Variants in GTF2F2 observed in about 807,000 individuals in gnomAD.
GTF2F2 encodes general transcription factor IIF subunit 2.
In GTF2F2, 23 loss-of-function variants were observed where a neutral mutation model predicts 42.2. That is an observed-to-expected ratio of 0.55 (90% CI 0.39 to 0.77). The LOEUF (loss-of-function observed/expected upper bound fraction) is 0.77. Ranked by LOEUF, GTF2F2 falls within the 30% of genes least tolerant of loss-of-function variation. The probability of loss-of-function intolerance (pLI) is 0.00; values close to 1 mark genes in which losing one functional copy is unlikely to be tolerated. For missense variants in GTF2F2, 261 were observed against 287.2 expected, an observed-to-expected ratio of 0.91 and a Z score of 0.66; for synonymous variants, 105 against 100.8, an observed-to-expected ratio of 1.04 and a Z score of -0.25.
intron 6 of GTF2F2, among the ~76,000 whole-genome samples, chr13:45,263,183 G>A (rs937494071): frequency 6.6e-5 from 10 of 151,884 alleles, no homozygotes; most frequent in African/African-American, 2.4e-4. Flanking sequence ...GAATGTTTCT[G>A]TTTTGTTCTT....
chr13:45,233,484 T>C (rs1874792460), intron 5 of GTF2F2, among the ~76,000 whole-genome samples: 1 of 152,230 alleles, frequency 6.6e-6, no homozygotes, highest in South Asian at 2.1e-4. Context: ...AAACCAAGGC[T>C]GTAGGTTCGG....
intron 4 of GTF2F2, among the ~76,000 whole-genome samples, chr13:45,178,240 A>T (rs867055221): frequency 2.0e-5 from 3 of 151,620 alleles, no homozygotes; most frequent in Non-Finnish European, 2.9e-5. Context: ...TGCTTGTGCT[A>T]CACTCTGGAA....
chr13:45,222,181 T>A (rs945278043), intron 5 of GTF2F2, among the ~76,000 whole-genome samples: 1 of 152,206 alleles, frequency 6.6e-6, no homozygotes, highest in Non-Finnish European at 1.5e-5. Flanking sequence ...CCTAGCATAG[T>A]GTCTCATACA....
intron 7 of GTF2F2, among the ~76,000 whole-genome samples, chr13:45,274,933 A>G (rs1184539730): frequency 6.6e-6 from 1 of 151,900 alleles, no homozygotes; most frequent in Non-Finnish European, 1.5e-5. Context: ...AGTGTAGTTC[A>G]GTGGACTTTA....
intron 2 of GTF2F2, among the ~76,000 whole-genome samples, chr13:45,144,457 C>CTTTTTTT: frequency 1.4e-5 from 1 of 74,038 alleles, no homozygotes; most frequent in Non-Finnish European, 2.5e-5. Context: ...TTTTTTTGGT[C>CTTTTTTT]TTTTTTTTTT....
At chr13:45,123,514 A>G (rs941303215) in intron 1 of GTF2F2, 1 of 152,178 alleles carries the variant, frequency 6.6e-6, no homozygotes, top group Non-Finnish European at 1.5e-5. Flanking sequence ...TTGTAGTCCC[A>G]GCTACTTGAG....
chr13:45,187,977 C>T (rs1020808231), intron 4 of GTF2F2, among the ~76,000 whole-genome samples: 1 of 152,172 alleles, frequency 6.6e-6, no homozygotes, highest in African/African-American at 2.4e-5. Flanking sequence ...AGCACAATCT[C>T]AGCTTGCTAT....
chr13:45,202,690 C>G (rs916279907), intron 4 of GTF2F2, among the ~76,000 whole-genome samples: 4 of 152,266 alleles, frequency 2.6e-5, no homozygotes, highest in African/African-American at 9.6e-5. Flanking sequence ...CGGTGGCTCA[C>G]GCCTGTAATC....
chr13:45,132,656 A>G (rs1055710926), intron 1 of GTF2F2, among the ~76,000 whole-genome samples: 2 of 152,170 alleles, frequency 1.3e-5, no homozygotes, highest in African/African-American at 4.8e-5. Context: ...CAGGGAAAGA[A>G]ATTCAGTGCA....
At chr13:45,169,163 A>G (rs1293073061) in intron 4 of GTF2F2, among the ~76,000 whole-genome samples, 3 of 151,818 alleles carry the variant, frequency 2.0e-5, no homozygotes, top group Admixed American at 1.3e-4. Context: ...CCCTGCTCCA[A>G]ATTCATAGGT....
chr13:45,170,525 A>G (rs1871541918), intron 4 of GTF2F2, among the ~76,000 whole-genome samples: 1 of 152,212 alleles, frequency 6.6e-6, no homozygotes, highest in Non-Finnish European at 1.5e-5. Context: ...CAGTCTTGAA[A>G]TCATCTCCAA....
chr13:45,213,401 A>C (rs12866254), intron 5 of GTF2F2, among the ~76,000 whole-genome samples: 2 of 151,870 alleles, frequency 1.3e-5, no homozygotes, highest in Non-Finnish European at 2.9e-5. Flanking sequence ...TTTCTTATCT[A>C]CCTCCTACGG....
intron 5 of GTF2F2, among the ~76,000 whole-genome samples, chr13:45,242,903 T>C (rs1482076845): frequency 6.6e-6 from 1 of 152,232 alleles, no homozygotes; most frequent in Non-Finnish European, 1.5e-5. Flanking sequence ...ATTGAGAGTT[T>C]GGCATTTTTT....
chr13:45,170,317 T>C (rs1871530196), intron 4 of GTF2F2, among the ~76,000 whole-genome samples: 1 of 152,252 alleles, frequency 6.6e-6, no homozygotes, highest in Admixed American at 6.5e-5. Context: ...CAGCTGAGAC[T>C]GGTTATCTTT....
At chr13:45,259,331 CAGG>C (rs1179066558) in intron 6 of GTF2F2, among the ~76,000 whole-genome samples, 1 of 152,070 alleles carries the variant, frequency 6.6e-6, no homozygotes, top group Non-Finnish European at 1.5e-5. Context: ...GAGGCTGAGG[CAGG>C]AGAATTGCTT....
intron 5 of GTF2F2, among the ~76,000 whole-genome samples, chr13:45,230,220 T>TA (rs554982229): frequency 0.014 from 1,987 of 140,298 alleles, 42 homozygotes; most frequent in African/African-American, 0.044. Flanking sequence ...CATCTCAAAA[T>TA]AAAAAAAAAA....
intron 5 of GTF2F2, among the ~76,000 whole-genome samples, chr13:45,231,582 C>T (rs1033731603): frequency 6.6e-6 from 1 of 152,112 alleles, no homozygotes; most frequent in African/African-American, 2.4e-5. Context: ...CTAAATGATA[C>T]TCCCAATGGC....
chr13:45,238,203 C>T (rs552805221), intron 5 of GTF2F2, among the ~76,000 whole-genome samples: 49 of 152,334 alleles, frequency 3.2e-4, no homozygotes, highest in Non-Finnish European at 5.9e-4. Context: ...AACCCACTCA[C>T]TTCAGCCTCC....
chr13:45,231,203 G>A (rs1252252311), intron 5 of GTF2F2, among the ~76,000 whole-genome samples: 1 of 152,050 alleles, frequency 6.6e-6, no homozygotes, highest in Non-Finnish European at 1.5e-5. Context: ...TGCCTCCCAG[G>A]TTCAAGCAAT....
Sources: gnomAD v4.1 joint callset for allele counts (sites outside exome capture counted in the v4.1 genomes callset) on GRCh38, gnomAD v4.1.1 for gene constraint, MANE v1.5 for transcripts, NCBI Gene and HGNC (gene_info 2026-07-23, HGNC 2026-07-21) for gene names.